KCNJ6: variants seen among roughly 807,000 people sequenced by gnomAD.
The protein encoded by KCNJ6 is G protein-activated inward rectifier potassium channel 2.
In KCNJ6, 9 loss-of-function variants were observed where a neutral mutation model predicts 34.2. The ratio of observed to expected loss-of-function variants is 0.26; its 90% CI spans 0.16 to 0.46. The LOEUF is 0.46. KCNJ6 is among the 20% of genes least tolerant of loss of function. The pLI, the probability that KCNJ6 is intolerant of heterozygous loss-of-function variation, is 1.00. For missense variants in KCNJ6, 236 were observed against 531.3 expected (o/e 0.44, Z 5.46); for synonymous variants, 196 against 207.1 (o/e 0.95, Z 0.46).
At chr21:37,840,882 T>A (rs974867321) in intron 1 of KCNJ6, among the ~76,000 whole-genome samples, 173 bp from the exon 2 acceptor site, 1 of 152,208 alleles carries the variant, frequency 6.6e-6, no homozygotes, top group African/African-American at 2.4e-5. Context: ...AGTCAGTCAC[T>A]GAAAAGAGAT....
At chr21:37,641,932 G>A (rs146799807) in intron 3 of KCNJ6, among the ~76,000 whole-genome samples, 188 of 152,292 alleles carry the variant, frequency 1.2e-3, no homozygotes, top group Non-Finnish European at 2.5e-3. Context: ...CCTCTGTAAC[G>A]AATTATTCAT....
At chr21:37,889,926 T>A (rs896716973) in intron 1 of KCNJ6, among the ~76,000 whole-genome samples, 4 of 152,224 alleles carry the variant, frequency 2.6e-5, no homozygotes, top group Non-Finnish European at 5.9e-5. Flanking sequence ...GTACCAGGCA[T>A]TAGGCCTTGA....
In KCNJ6 at chr21:37,770,556, T is replaced by A. The variant is rs142231492; in HGVS notation, c.26-55425A>T. Among the ~76,000 whole-genome samples, 50 of 152,246 alleles carry A rather than the reference T, an allele frequency of 3.3e-4. No individual in the cohort carries two copies. The East Asian group carries it at 9.3e-3, about 28-fold the overall frequency. ...TCCTTTAGGGCATCTCTTAGTACTA[T>A]CAAGCCAGTGCTGAATGTCACAATG... On this transcript the variant is annotated intron_variant, in intron 2 of 3. Transcript: ENST00000609713.
At chr21:37,640,538 C>T (rs1464728573) in intron 3 of KCNJ6, among the ~76,000 whole-genome samples, 1 of 152,224 alleles carries the variant, frequency 6.6e-6, no homozygotes, top group African/African-American at 2.4e-5. Context: ...TAGAATTAGC[C>T]TCATTGATCA....
In KCNJ6 at chr21:37,660,923, T is replaced by C. The variant is rs546934680; in HGVS notation, c.947-35439A>G. ...GTGAAAATGTGCACACCTAAGCAGA[T>C]TGATGGAACATCTCTGACAGAAAGT... On this transcript the variant is annotated intron_variant, in intron 3 of 3. Transcript: ENST00000609713. Among the ~76,000 whole-genome samples the C allele has an allele frequency of 7.4e-4, 113 of 152,362 alleles. 1 individual carries two copies. The highest frequency in any genetic ancestry group is 2.4e-3 in the African/African-American group (100 of 41,590).
At chr21:37,894,627 G>A (rs138081192) in intron 1 of KCNJ6, among the ~76,000 whole-genome samples, 1 of 152,134 alleles carries the variant, frequency 6.6e-6, no homozygotes, top group African/African-American at 2.4e-5. Context: ...TCGTGCCACT[G>A]CACTCCAGCC....
intron 1 of KCNJ6, among the ~76,000 whole-genome samples, chr21:37,907,560 A>C (rs2055847613): frequency 6.6e-6 from 1 of 152,188 alleles, no homozygotes; most frequent in Admixed American, 6.5e-5. Flanking sequence ...AAGAATTCAG[A>C]GCTGTGTAAA....
At chr21:37,843,854 C>T (rs978343149) in intron 1 of KCNJ6, among the ~76,000 whole-genome samples, 1 of 152,160 alleles carries the variant, frequency 6.6e-6, no homozygotes. Flanking sequence ...GCCCATTTAG[C>T]CAAGATCCCT....
intron 2 of KCNJ6, among the ~76,000 whole-genome samples, chr21:37,741,787 C>T (rs1420574486): frequency 6.6e-6 from 1 of 152,218 alleles, no homozygotes; most frequent in Non-Finnish European, 1.5e-5. Flanking sequence ...CATCTTTCAC[C>T]CCACTGCCAA....
chr21:37,905,414 C>G (rs1310614588), intron 1 of KCNJ6, among the ~76,000 whole-genome samples: 1 of 152,154 alleles, frequency 6.6e-6, no homozygotes, highest in Admixed American at 6.5e-5. Flanking sequence ...TGTGGTAGAC[C>G]ATACCCCTGC....
At chr21:37,860,866 T>A (rs2055591457) in intron 1 of KCNJ6, among the ~76,000 whole-genome samples, 2 of 120,586 alleles carry the variant, frequency 1.7e-5, no homozygotes, top group Admixed American at 7.6e-5. Flanking sequence ...GTAGCTTTCG[T>A]CTTCATTGTG....
rs547935504 is a variant in KCNJ6, at chr21:37,607,546, C to T, written c.*17613G>A. 4.7e-5 allele frequency: 7 copies of T among 148,122 alleles called. No homozygotes were observed. The highest frequency in any genetic ancestry group is 7.5e-5 in the African/African-American group (3 of 40,160). The allele number at this position is 148,122 out of a possible 1,614,324, so 9.2% of individuals were successfully genotyped here. On this transcript the variant is annotated 3_prime_UTR_variant, in exon 4 of 4. Transcript: ENST00000609713. ...TTTCTCAATACATAATTTGTGCTTTCGCATTGAGCATGCTTTCGTCTCATT... is the reference window on the plus strand; with the variant it reads ...TTTCTCAATACATAATTTGTGCTTTTGCATTGAGCATGCTTTCGTCTCATT...
At chr21:37,915,041 T>C (rs930684438) in intron 1 of KCNJ6, among the ~76,000 whole-genome samples, 4 of 152,106 alleles carry the variant, frequency 2.6e-5, no homozygotes, top group Non-Finnish European at 4.4e-5. Context: ...ATTTTCCCCC[T>C]GACAATCTCT....
intron 2 of KCNJ6, among the ~76,000 whole-genome samples, chr21:37,786,604 A>G (rs2055193889): frequency 6.6e-6 from 1 of 152,162 alleles, no homozygotes; most frequent in Admixed American, 6.5e-5. Context: ...ATATGCAACA[A>G]ATGGTTCCAC....
chr21:37,799,207 A>C (rs1266044143), intron 2 of KCNJ6, among the ~76,000 whole-genome samples: 1 of 152,164 alleles, frequency 6.6e-6, no homozygotes, highest in Non-Finnish European at 1.5e-5. Flanking sequence ...TTTGCTAAGG[A>C]TAATGGCCCC....
rs142081861 is a variant in KCNJ6, at chr21:37,814,722, C to T, written c.25+25936G>A. ...GGCCATCCTGGCTAACACGGTGAAA[C>T]GCTGTCTCCACTAAAAATATAAAAA... On this transcript the variant is annotated intron_variant, in intron 2 of 3. Transcript: ENST00000609713. 6.2e-3 allele frequency among the ~76,000 whole-genome samples: 940 copies of T among 152,036 alleles called. 4 individuals are homozygous for T. The highest frequency in any genetic ancestry group is 6.6e-3 in the Non-Finnish European group (449 of 67,976).
intron 3 of KCNJ6, among the ~76,000 whole-genome samples, chr21:37,648,089 C>T (rs1484652378): frequency 2.0e-5 from 3 of 152,144 alleles, no homozygotes; most frequent in Non-Finnish European, 4.4e-5. Flanking sequence ...CTGCTGCTAC[C>T]ACTGACCCTC....
intron 3 of KCNJ6, among the ~76,000 whole-genome samples, chr21:37,661,863 C>T (rs1232738583): frequency 2.0e-5 from 3 of 151,556 alleles, no homozygotes; most frequent in African/African-American, 7.3e-5. Context: ...CTCCTGACCT[C>T]GTGATCTGCC....
chr21:37,619,015 T>C lies in KCNJ6; in HGVS notation c.*6144A>G, dbSNP rs2054282007. On this transcript the variant is annotated 3_prime_UTR_variant, in exon 4 of 4. Coordinates refer to ENST00000609713, the MANE Select transcript of KCNJ6 (RefSeq NM_002240.5). ...CCATGCAGTTGAAGGGTCACAAGCTTTTTGCATGATCTATATTGTAGATAC... is the reference window on the plus strand; with the variant it reads ...CCATGCAGTTGAAGGGTCACAAGCTCTTTGCATGATCTATATTGTAGATAC... 6.6e-6 allele frequency: 1 copy of C among 152,252 alleles called. No individual in the cohort carries two copies. Among genetic ancestry groups the C allele is most frequent in the East Asian group, 1.9e-4 (1 of 5,202 alleles). 9.4% of individuals were successfully genotyped at this position (152,252 alleles called of 1,614,324 possible).
Sources: allele counts gnomAD v4.1 joint callset (sites outside exome capture counted in the v4.1 genomes callset), GRCh38; gene constraint gnomAD v4.1.1; transcripts MANE v1.5; gene names NCBI Gene and HGNC (gene_info 2026-07-23, HGNC 2026-07-21).